INPP5D: variants seen among roughly 807,000 people sequenced by gnomAD.
INPP5D encodes phosphatidylinositol 3,4,5-trisphosphate 5-phosphatase 1.
In INPP5D, 33 loss-of-function variants were observed where a neutral mutation model predicts 122.9. The ratio of observed to expected loss-of-function variants is 0.27; its 90% CI spans 0.20 to 0.36. INPP5D has a LOEUF of 0.36. Among genes scored for constraint, INPP5D ranks in the 10% least tolerant of loss-of-function variants. The probability of loss-of-function intolerance (pLI) is 1.00; values close to 1 mark genes in which losing one functional copy is unlikely to be tolerated. For synonymous variants in INPP5D, 584 were observed against 576.2 expected (o/e 1.01, Z -0.19); for missense variants, 1,053 against 1,412.7 (o/e 0.75, Z 4.08).
At chr2:233,141,150 C>A (rs975841025) in intron 6 of INPP5D, 1 of 151,964 alleles carries the variant, frequency 6.6e-6, no homozygotes, top group Non-Finnish European at 1.5e-5. Context: ...GTTTTCTGAA[C>A]GGCAGTTTGG....
chr2:233,108,576 C>A (rs187764936), intron 2 of INPP5D, among the ~76,000 whole-genome samples: 8 of 152,268 alleles, frequency 5.3e-5, no homozygotes, highest in South Asian at 2.1e-4. Context: ...TTCTCTCCCC[C>A]CAAGTGCAGG....
At chr2:233,107,298 A>G (rs891171613) in intron 2 of INPP5D, among the ~76,000 whole-genome samples, 4 of 152,152 alleles carry the variant, frequency 2.6e-5, no homozygotes, top group Admixed American at 6.5e-5. Context: ...TTTGTCCTGC[A>G]GGGAGGCAAG....
At chr2:233,161,529 C>T (rs1392875957) in intron 10 of INPP5D, among the ~76,000 whole-genome samples, 195 bp from the exon 11 acceptor site, 3 of 152,208 alleles carry the variant, frequency 2.0e-5, no homozygotes, top group Non-Finnish European at 4.4e-5. Flanking sequence ...GTTAAAGTCG[C>T]ACCTTTGCAG....
intron 2 of INPP5D, among the ~76,000 whole-genome samples, chr2:233,085,570 G>A (rs927444865): frequency 3.9e-5 from 6 of 152,118 alleles, no homozygotes; most frequent in African/African-American, 1.2e-4. Context: ...TGTTCGGCTT[G>A]TTCACTTTGC....
chr2:233,181,679 C>T (rs1007271182), intron 18 of INPP5D, among the ~76,000 whole-genome samples: 33 of 152,300 alleles, frequency 2.2e-4, no homozygotes, highest in East Asian at 1.9e-4. Context: ...CTACACTTAG[C>T]GTCCTCCACT....
At chr2:233,138,263 C>T (rs184754590) in intron 5 of INPP5D, among the ~76,000 whole-genome samples, 24 of 141,344 alleles carry the variant, frequency 1.7e-4, no homozygotes, top group Non-Finnish European at 2.6e-4. Context: ...GGCAGGATCA[C>T]GCCACTGCAC....
chr2:233,161,644 A>G (rs1193560045), intron 10 of INPP5D, 80 bp from the exon 11 acceptor site: 3 of 1,464,852 alleles, frequency 2.0e-6, no homozygotes, highest in Admixed American at 2.6e-5. Context: ...AGTTTTCTTG[A>G]AGCTGACCAA....
chr2:233,164,315 C>A lies in INPP5D; in HGVS notation c.1446C>A (p.Ile482=), dbSNP rs1308584873. 1.9e-6 allele frequency: 3 copies of A among 1,550,174 alleles called. No homozygotes were observed. The highest frequency in any genetic ancestry group is 2.6e-6 in the Non-Finnish European group (3 of 1,146,214). ...ITSVTFKTVA[I]HTLWNIRIVV... ...CGTTGTCCTCCCACCAGGTCGCCAT[C>A]CACACGCTCTGGAACATCCGCATCG... Residue 482 remains isoleucine, a synonymous_variant, in exon 13 of 27, where the codon ATC becomes ATA. Coordinates refer to ENST00000445964, the MANE Select transcript of INPP5D (RefSeq NM_001017915.3). The surrounding 1 kb of genome is among the most constrained non-coding windows in gnomAD (Gnocchi z 4.3).
rs1006508653 is a variant in INPP5D, at chr2:233,105,454, CG to C, written c.199-16651del. The stretch of plus-strand genomic sequence containing the variant: ...CCCTGATCCACCAGGCTGAGTCTCC[CG>C]GAGCACCCTCCCAAGCTACTGTCCT... On this transcript the variant is annotated intron_variant, in intron 2 of 26. Transcript: ENST00000445964. This position sits in a 1 kb window ranked among gnomAD's most constrained non-coding sequence, Gnocchi z 4.0. Among the ~76,000 whole-genome samples the C allele has an allele frequency of 3.8e-4, 58 of 152,284 alleles. No homozygotes were observed. The highest frequency in any genetic ancestry group is 1.4e-3 in the African/African-American group (57 of 41,554).
chr2:233,166,783 G>A (rs1221711418), intron 13 of INPP5D, among the ~76,000 whole-genome samples: 2 of 152,166 alleles, frequency 1.3e-5, no homozygotes, highest in Admixed American at 6.5e-5. Context: ...TCAGGAGTTC[G>A]AGACCAGCCT....
At chr2:233,087,107 TGCC>T (rs1279952580) in intron 2 of INPP5D, among the ~76,000 whole-genome samples, 210 of 152,316 alleles carry the variant, frequency 1.4e-3, no homozygotes, top group Non-Finnish European at 2.5e-3. Context: ...ATCTTGACTT[TGCC>T]CTTCGAGATC....
At position 233,080,295 on chromosome 2, in the gene INPP5D, G is replaced by A. The variant is rs536226062; in HGVS notation, c.198+897G>A. ...AGCCCGGGAAGGCCACCCTAAGCAC[G>A]GTTTACTAAAGCCTTTGTTTCGCCA... On this transcript the variant is annotated intron_variant, in intron 2 of 26. Transcript: ENST00000445964. Among the ~76,000 whole-genome samples the A allele has an allele frequency of 8.1e-4, 123 of 152,266 alleles. 1 individual carries two copies. The highest frequency in any genetic ancestry group is 2.8e-3 in the African/African-American group (116 of 41,546).
intron 2 of INPP5D, among the ~76,000 whole-genome samples, chr2:233,117,274 C>A (rs148119024): frequency 4.6e-4 from 70 of 152,292 alleles, no homozygotes; most frequent in African/African-American, 1.6e-3. Context: ...GCTAACCTCC[C>A]GATTCGAACC....
intron 13 of INPP5D, 127 bp from the exon 14 acceptor site, chr2:233,169,178 C>A (rs1256832820): frequency 7.1e-7 from 1 of 1,412,698 alleles, no homozygotes; most frequent in African/African-American, 1.4e-5. Flanking sequence ...CTGCACGACC[C>A]TGTTTCGCCC....
At chr2:233,185,161 C>CG (rs1321333772) in intron 20 of INPP5D, among the ~76,000 whole-genome samples, 1 of 151,818 alleles carries the variant, frequency 6.6e-6, no homozygotes, top group East Asian at 1.9e-4. Context: ...GCACAGTGAT[C>CG]GGGGGAGGAA....
chr2:233,110,406 C>T (rs1692589249), intron 2 of INPP5D, among the ~76,000 whole-genome samples: 1 of 151,722 alleles, frequency 6.6e-6, no homozygotes, highest in Admixed American at 6.6e-5. Context: ...CATTATGTTG[C>T]CCAGGCTGGT....
At chr2:233,070,403 G>T (rs1010056515) in intron 1 of INPP5D, among the ~76,000 whole-genome samples, 1 of 151,064 alleles carries the variant, frequency 6.6e-6, no homozygotes, top group Non-Finnish European at 1.5e-5. Context: ...TTATGACAGA[G>T]ACTTTGGAGC....
intron 9 of INPP5D, among the ~76,000 whole-genome samples, chr2:233,153,028 G>C (rs971748669): frequency 6.6e-6 from 1 of 152,210 alleles, no homozygotes; most frequent in Non-Finnish European, 1.5e-5. Flanking sequence ...AAGGTGAACG[G>C]GGTGGGAACG....
In INPP5D at chr2:233,091,647, C is replaced by T. The variant is rs573746256; in HGVS notation, c.198+12249C>T. Reference sequence around the variant, plus strand: ...ACTCTTGAACGTAGATTGGGAACAGCTGAATAATTCAGGATCCTCTCCCAA... The same window carrying T: ...ACTCTTGAACGTAGATTGGGAACAGTTGAATAATTCAGGATCCTCTCCCAA... On this transcript the variant is annotated intron_variant, in intron 2 of 26. Coordinates refer to ENST00000445964, the MANE Select transcript of INPP5D (RefSeq NM_001017915.3). 4.9e-4 allele frequency among the ~76,000 whole-genome samples: 75 copies of T among 152,316 alleles called. 1 individual carries two copies. The highest frequency in any genetic ancestry group is 1.7e-3 in the African/African-American group (69 of 41,562).
Sources: gnomAD v4.1 joint callset for allele counts (sites outside exome capture counted in the v4.1 genomes callset) on GRCh38, gnomAD v4.1.1 for gene constraint, Gnocchi (gnomAD v3.1) non-coding constraint, MANE v1.5 for transcripts, NCBI Gene and HGNC (gene_info 2026-07-23, HGNC 2026-07-21) for gene names.